ENOX2: variants seen among roughly 807,000 people sequenced by gnomAD.
ENOX2 encodes the protein APK1 antigen.
A neutral mutation model predicts 45.0 loss-of-function variants in ENOX2; 36 were observed. The observed-to-expected ratio is 0.80, with a 90% CI of 0.61 to 1.06. The LOEUF (loss-of-function observed/expected upper bound fraction) is 1.06. ENOX2 is among the 50% of genes least tolerant of loss of function. The pLI is 0.00. For synonymous variants in ENOX2, 174 were observed against 152.3 expected, an observed-to-expected ratio of 1.14 and a Z score of -1.05; for missense variants, 423 against 462.5, an observed-to-expected ratio of 0.91 and a Z score of 0.78.
chrX:130,820,267 C>A (rs1333613850), intron 2 of ENOX2, among the ~76,000 whole-genome samples: 1 of 111,963 alleles, frequency 8.9e-6, no homozygotes, highest in Non-Finnish European at 1.9e-5. Flanking sequence ...GAGTTATCAC[C>A]CCACACCTGA....
At chrX:130,870,944 C>CAGAG (rs777429549) in intron 2 of ENOX2, among the ~76,000 whole-genome samples, 2 of 102,864 alleles carry the variant, frequency 1.9e-5, no homozygotes, top group South Asian at 8.8e-4. Flanking sequence ...GAGAGAGAGA[C>CAGAG]AGAGAGAGAG....
At chrX:130,807,404 T>C (rs1018692809) in intron 2 of ENOX2, among the ~76,000 whole-genome samples, 2 of 111,977 alleles carry the variant, frequency 1.8e-5, no homozygotes, top group African/African-American at 6.5e-5. Flanking sequence ...CCTCTTGTTA[T>C]GCCTTTCATT....
At chrX:130,676,860 G>A (rs1025850550) in intron 6 of ENOX2, among the ~76,000 whole-genome samples, 1 of 111,192 alleles carries the variant, frequency 9.0e-6, no homozygotes, top group African/African-American at 3.3e-5. Flanking sequence ...GTTTTATATA[G>A]AGCTGTCAAA....
intron 10 of ENOX2, among the ~76,000 whole-genome samples, chrX:130,639,650 T>A (rs1041046207): frequency 1.3e-4 from 14 of 111,344 alleles, no homozygotes; most frequent in Non-Finnish European, 1.7e-4. Flanking sequence ...GATTTTTTTT[T>A]AAAAAACTAT....
At chrX:130,717,282 C>A (rs746782732) in intron 3 of ENOX2, among the ~76,000 whole-genome samples, 4 of 112,092 alleles carry the variant, frequency 3.6e-5, no homozygotes, top group Non-Finnish European at 7.5e-5. Context: ...AGTTCCAACA[C>A]CAAGGAAAAC....
chrX:130,692,580 GTT>G (rs1194146290), intron 4 of ENOX2, among the ~76,000 whole-genome samples: 3 of 94,908 alleles, frequency 3.2e-5, no homozygotes, highest in Admixed American at 1.2e-4. Context: ...ATCTCTCTCT[GTT>G]TTTTTTTTTT....
chrX:130,775,201 C>T (rs183253061), intron 3 of ENOX2, among the ~76,000 whole-genome samples: 3 of 110,273 alleles, frequency 2.7e-5, no homozygotes, highest in Admixed American at 1.9e-4. Context: ...GGCAACCTGG[C>T]GAAACCCCGT....
At chrX:130,747,965 A>T (rs1048283202) in intron 3 of ENOX2, among the ~76,000 whole-genome samples, 1 of 112,421 alleles carries the variant, frequency 8.9e-6, no homozygotes, top group Non-Finnish European at 1.9e-5. Context: ...AAAGATTACA[A>T]GCAAATGTAG....
intron 2 of ENOX2, among the ~76,000 whole-genome samples, chrX:130,860,506 C>A (rs141388777): frequency 0.019 from 2,069 of 111,481 alleles, 21 homozygotes; most frequent in Non-Finnish European, 0.028. Context: ...TCTTACATGC[C>A]AAGCTTACTC....
chrX:130,876,336 G>A (rs1481677472), intron 2 of ENOX2, among the ~76,000 whole-genome samples: 1 of 111,748 alleles, frequency 8.9e-6, no homozygotes, highest in Non-Finnish European at 1.9e-5. Context: ...AGTGAAAGAA[G>A]CCAGATGAAA....
At chrX:130,697,279 T>G (rs1369835675) in intron 4 of ENOX2, among the ~76,000 whole-genome samples, 1 of 111,943 alleles carries the variant, frequency 8.9e-6, no homozygotes, top group East Asian at 2.8e-4. Context: ...CACTGCCATC[T>G]ACCTAGCATT....
At chrX:130,813,921 G>C (rs2148452866) in intron 2 of ENOX2, among the ~76,000 whole-genome samples, 1 of 112,206 alleles carries the variant, frequency 8.9e-6, no homozygotes, top group South Asian at 3.7e-4. Flanking sequence ...CTGGAAAGGA[G>C]GTTGAAGCTA....
intron 10 of ENOX2, among the ~76,000 whole-genome samples, chrX:130,641,234 C>T (rs1031967721): frequency 2.7e-5 from 3 of 111,563 alleles, no homozygotes; most frequent in African/African-American, 9.8e-5. Flanking sequence ...GAAACAAACA[C>T]CTTACCTATA....
chrX:130,655,834 C>G (rs1425813886), intron 10 of ENOX2, among the ~76,000 whole-genome samples: 6 of 111,843 alleles, frequency 5.4e-5, no homozygotes, highest in Non-Finnish European at 1.1e-4. Flanking sequence ...TGGGGTTTCG[C>G]CATTTTGGTC....
chrX:130,629,086 A>G (rs1288382649), intron 13 of ENOX2, among the ~76,000 whole-genome samples: 2 of 111,925 alleles, frequency 1.8e-5, no homozygotes, highest in Admixed American at 9.5e-5. Flanking sequence ...TTTGAAGTTC[A>G]ATCAAAGGGG....
chrX:130,625,967 AAAAC>A (rs2035536646), intron 14 of ENOX2, among the ~76,000 whole-genome samples: 3 of 110,388 alleles, frequency 2.7e-5, no homozygotes, highest in Admixed American at 9.6e-5. Context: ...TACGAAAACA[AAAAC>A]AAATCTGTGG....
intron 3 of ENOX2, among the ~76,000 whole-genome samples, chrX:130,736,064 T>C: frequency 8.9e-6 from 1 of 111,753 alleles, no homozygotes; most frequent in South Asian, 3.7e-4. Context: ...ATTATTTTGC[T>C]AAAAAATACT....
At chrX:130,804,410 C>T (rs1425024809) in intron 2 of ENOX2, among the ~76,000 whole-genome samples, 1 of 111,818 alleles carries the variant, frequency 8.9e-6, no homozygotes. Context: ...TCTCTTGACA[C>T]TCCATTATTT....
intron 3 of ENOX2, among the ~76,000 whole-genome samples, chrX:130,747,403 C>G (rs943564687): frequency 8.9e-6 from 1 of 111,891 alleles, no homozygotes; most frequent in Non-Finnish European, 1.9e-5. Flanking sequence ...ATCAGTTACT[C>G]AGCATAAGAC....
Sources: allele counts gnomAD v4.1 joint callset (sites outside exome capture counted in the v4.1 genomes callset), GRCh38; gene constraint gnomAD v4.1.1; transcripts MANE v1.5; gene names NCBI Gene and HGNC (gene_info 2026-07-23, HGNC 2026-07-21).